CCSER2: variants seen among roughly 807,000 people sequenced by gnomAD.
CCSER2 encodes the protein serine-rich coiled-coil domain-containing protein 2.
A neutral mutation model predicts 92.3 loss-of-function variants in CCSER2; 46 were observed. That is an observed-to-expected ratio of 0.50 (90% CI 0.39 to 0.64). The LOEUF is 0.64. Among genes scored for constraint, CCSER2 ranks in the 30% least tolerant of loss-of-function variants. The probability of loss-of-function intolerance (pLI) is 0.00; values close to 1 mark genes in which losing one functional copy is unlikely to be tolerated. For synonymous variants in CCSER2, 433 were observed against 431.4 expected (o/e 1.00, Z -0.04); for missense variants, 1,244 against 1,238.9 (o/e 1.00, Z -0.06).
intron 4 of CCSER2, among the ~76,000 whole-genome samples, chr10:84,422,506 C>G (rs1050915820): frequency 6.6e-6 from 1 of 152,126 alleles, no homozygotes; most frequent in Non-Finnish European, 1.5e-5. Context: ...TATTTCTTAT[C>G]TCATGCTAAA....
chr10:84,373,758 A>G lies in CCSER2; in HGVS notation c.1557A>G (p.Glu519=). The G allele has an allele frequency of 6.2e-7, 1 of 1,613,738 alleles. No individual in the cohort carries two copies. The highest frequency in any genetic ancestry group is 8.5e-7 in the Non-Finnish European group (1 of 1,179,746). ...GTYMWDEEGL[E]PIGNVHPVGS... is the part of the protein sequence containing the mutation. ...ACATGTGGGATGAAGAAGGCTTGGA[A>G]CCCATTGGAAATGTCCATCCAGTTG... is the stretch of plus-strand genomic sequence containing the variant. The change falls in exon 3 of 10, where the codon GAA becomes GAG. Residue 519 remains glutamate, a synonymous_variant. Coordinates refer to ENST00000372088, the MANE Select transcript of CCSER2 (RefSeq NM_001284240.2).
chr10:84,442,649 T>C lies in CCSER2; in HGVS notation c.2064+3942T>C, dbSNP rs146827744. 3.0e-3 allele frequency among the ~76,000 whole-genome samples: 461 copies of C among 152,302 alleles called. 4 individuals carry two copies. The highest frequency in any genetic ancestry group is 0.011 in the African/African-American group (439 of 41,582). On this transcript the variant is annotated intron_variant, in intron 6 of 9. Transcript: ENST00000372088. Reference sequence around the variant, plus strand: ...ATTGTTTCTGGGGGGAAGAAAAGGTTTTTTAAAAGGTATGTGCCTTATCCA... The same window carrying C: ...ATTGTTTCTGGGGGGAAGAAAAGGTCTTTTAAAAGGTATGTGCCTTATCCA...
intron 6 of CCSER2, among the ~76,000 whole-genome samples, chr10:84,456,502 G>A (rs1485295251): frequency 6.6e-6 from 1 of 152,026 alleles, no homozygotes; most frequent in East Asian, 1.9e-4. Flanking sequence ...TATTTATGTT[G>A]CTTTCTACTT....
chr10:84,497,687 G>T (rs1352924697), intron 9 of CCSER2, among the ~76,000 whole-genome samples: 1 of 152,174 alleles, frequency 6.6e-6, no homozygotes, highest in Non-Finnish European at 1.5e-5. Context: ...GCTATAGAAG[G>T]TGGGACATCT....
At chr10:84,474,433 G>T (rs965103282) in intron 8 of CCSER2, among the ~76,000 whole-genome samples, 5 of 152,046 alleles carry the variant, frequency 3.3e-5, no homozygotes, top group African/African-American at 1.2e-4. Context: ...GGCCGAGGCA[G>T]GCAGATCACC....
chr10:84,412,466 A>G (rs191111722), intron 3 of CCSER2, among the ~76,000 whole-genome samples: 18 of 152,024 alleles, frequency 1.2e-4, no homozygotes, highest in Non-Finnish European at 2.4e-4. Flanking sequence ...TACTGGCTCA[A>G]TTTTAGAGCT....
At chr10:84,345,212 A>G (rs555739067) in intron 1 of CCSER2, among the ~76,000 whole-genome samples, 1 of 152,280 alleles carries the variant, frequency 6.6e-6, no homozygotes, top group South Asian at 2.1e-4. Context: ...AGAAATGAGG[A>G]GAGGACAGGA....
At chr10:84,484,921 G>A (rs992452881) in intron 9 of CCSER2, among the ~76,000 whole-genome samples, 2 of 151,968 alleles carry the variant, frequency 1.3e-5, no homozygotes, top group South Asian at 2.1e-4. Flanking sequence ...TTAAGGATAC[G>A]AACAAATTAA....
At chr10:84,466,157 T>G (rs1234462598) in intron 7 of CCSER2, among the ~76,000 whole-genome samples, 1 of 152,246 alleles carries the variant, frequency 6.6e-6, no homozygotes, top group African/African-American at 2.4e-5. Flanking sequence ...ACTTGTCTTT[T>G]CTTCAGTATT....
chr10:84,419,300 A>G (rs1843020658), intron 4 of CCSER2, among the ~76,000 whole-genome samples: 1 of 151,874 alleles, frequency 6.6e-6, no homozygotes, highest in Admixed American at 6.6e-5. Context: ...CAGTTAGATC[A>G]CCAAAAAACG....
chr10:84,385,004 AACACACACACAC>A (rs56977232), intron 3 of CCSER2, among the ~76,000 whole-genome samples: 4 of 145,790 alleles, frequency 2.7e-5, no homozygotes, highest in African/African-American at 7.6e-5. Flanking sequence ...ATTTACAATA[AACACACACACAC>A]ACACACACAC....
intron 3 of CCSER2, among the ~76,000 whole-genome samples, chr10:84,405,651 C>T (rs1362180659): frequency 6.6e-6 from 1 of 152,096 alleles, no homozygotes; most frequent in East Asian, 1.9e-4. Context: ...TATAAGAGAC[C>T]TGAATAGACA....
intron 3 of CCSER2, among the ~76,000 whole-genome samples, chr10:84,392,316 C>CA (rs71473611): frequency 0.4 from 21,457 of 53,748 alleles, 4,008 homozygotes; most frequent in East Asian, 0.48. Context: ...TCTGAAGAAG[C>CA]AAAAAAAAAA....
At chr10:84,501,378 A>T (rs1304901154) in intron 9 of CCSER2, among the ~76,000 whole-genome samples, 2 of 152,060 alleles carry the variant, frequency 1.3e-5, no homozygotes, top group Non-Finnish European at 2.9e-5. Flanking sequence ...CTGTGTACTT[A>T]CTCAAGCCCC....
intron 5 of CCSER2, 151 bp downstream of exon 5, chr10:84,426,044 GA>G (rs1305496202): frequency 2.3e-6 from 1 of 436,054 alleles, no homozygotes; most frequent in Admixed American, 4.2e-5. Context: ...GTACTAATTG[GA>G]ATAATATGTC....
chr10:84,451,559 A>T lies in CCSER2; in HGVS notation c.2065-12374A>T, dbSNP rs745814463. Among the ~76,000 whole-genome samples the T allele has an allele frequency of 5.6e-4, 86 of 152,296 alleles. 1 individual carries two copies. The highest frequency in any genetic ancestry group is 1.0e-3 in the South Asian group (5 of 4,826). ...TGGCTTGAGGAGTTGGATATTTTTT[A>T]AAAACCAAAATCTAGAAAAATTAGT... On this transcript the variant is annotated intron_variant, in intron 6 of 9. Coordinates refer to ENST00000372088, the MANE Select transcript of CCSER2 (RefSeq NM_001284240.2).
At chr10:84,450,180 T>C (rs1845187854) in intron 6 of CCSER2, among the ~76,000 whole-genome samples, 1 of 152,194 alleles carries the variant, frequency 6.6e-6, no homozygotes, top group South Asian at 2.1e-4. Flanking sequence ...GTAATGGAGA[T>C]AAAAATAAAG....
chr10:84,455,552 A>T, intron 6 of CCSER2: 1 of 397,040 alleles, frequency 2.5e-6, no homozygotes, highest in Non-Finnish European at 4.8e-6. Context: ...CTGGGATTAC[A>T]GGCGTGAGCT....
At chr10:84,494,960 A>G (rs1004552850) in intron 9 of CCSER2, among the ~76,000 whole-genome samples, 3 of 151,042 alleles carry the variant, frequency 2.0e-5, no homozygotes, top group Admixed American at 2.0e-4. Context: ...GTTACACCAC[A>G]AAACTGCTGA....
Sources: gnomAD v4.1 joint callset for allele counts (sites outside exome capture counted in the v4.1 genomes callset) on GRCh38, gnomAD v4.1.1 for gene constraint, MANE v1.5 for transcripts, NCBI Gene and HGNC (gene_info 2026-07-23, HGNC 2026-07-21) for gene names.